SH3TC1: variants seen among roughly 807,000 people sequenced by gnomAD.
SH3TC1 encodes SH3 domain and tetratricopeptide repeats 1, also known as SH3 domain and tetratricopeptide repeat-containing protein 1.
SH3TC1 carries 135 observed loss-of-function variants against 117.3 expected under a neutral mutation model. The observed-to-expected ratio is 1.15, with a 90% CI of 1.00 to 1.33. SH3TC1 has a LOEUF of 1.33. Ranked by LOEUF, SH3TC1 falls within the 40% of genes most tolerant of loss-of-function variation. The probability of loss-of-function intolerance (pLI) is 0.00; values close to 1 mark genes in which losing one functional copy is unlikely to be tolerated. For synonymous variants in SH3TC1, 898 were observed against 816.9 expected, an observed-to-expected ratio of 1.10 and a Z score of -1.69; for missense variants, 2,092 against 1,794.3, an observed-to-expected ratio of 1.17 and a Z score of -3.00.
At chr4:8,218,385 G>T (rs905108896) in intron 8 of SH3TC1, 38 bp downstream of exon 8, 1 of 1,515,078 alleles carries the variant, frequency 6.6e-7, no homozygotes, top group Non-Finnish European at 9.1e-7. Context: ...TTGGGGAAAT[G>T]TGTGTGCTAG....
At position 8,225,099 on chromosome 4, in the gene SH3TC1, G is replaced by T. The variant is rs986559027; in HGVS notation, c.1244-76G>T. ...AGCAATGCTCTCACCCTGCAACATC[G>T]ACACTAGCTCAACCTGGCAGGGGAC... On this transcript the variant is annotated intron_variant, in intron 10 of 17. Transcript: ENST00000245105. The surrounding 1 kb of genome is among the most constrained non-coding windows in gnomAD (Gnocchi z 5.5). 6.4e-7 allele frequency: 1 copy of T among 1,566,030 alleles called. No homozygotes were observed. Among genetic ancestry groups the T allele is most frequent in the Non-Finnish European group, 8.7e-7 (1 of 1,142,940 alleles).
rs934004844 is a variant in SH3TC1, at chr4:8,206,037, TC to T, written c.172+674del. 65 of 265,330 alleles carry T rather than the reference TC, an allele frequency of 2.4e-4. No individual in the cohort carries two copies. Among genetic ancestry groups the T allele is most frequent in the Admixed American group, 2.9e-4 (6 of 20,776 alleles). 16.4% of individuals were successfully genotyped at this position (265,330 alleles called of 1,614,324 possible). A position where few individuals can be genotyped will look rare whatever the true frequency, so the allele number is the denominator to read the frequency against. ...CCCAGTCTCCTCTTAGCTGCCTATG[TC>T]CCTGTCTTGGGACTCCAGGGCTTGG... On this transcript the variant is annotated intron_variant, in intron 2 of 17. Coordinates refer to ENST00000245105, the MANE Select transcript of SH3TC1 (RefSeq NM_018986.5). This position sits in a 1 kb window ranked among gnomAD's most constrained non-coding sequence, Gnocchi z 5.5.
chr4:8,217,118 G>A lies in SH3TC1; in HGVS notation c.790G>A (p.Glu264Lys), dbSNP rs776764494. 1.1e-5 allele frequency: 17 copies of A among 1,613,614 alleles called. No homozygotes were observed. Among genetic ancestry groups the A allele is most frequent in the African/African-American group, 1.3e-5 (1 of 74,952 alleles). ...ACCGCCGAGCCCCAGCGTGTCCTCC[G>A]AGGAGGTGGCAGTGGCGGCCGCCCC... ...SSPPSPSVSSEEVAVAAAPEP... is the reference protein window; with the variant it reads ...SSPPSPSVSSKEVAVAAAPEP... Residue 264 changes from glutamate to lysine, a missense_variant, in exon 7 of 18, where the codon GAG becomes AAG. By Grantham distance (56) the Glu-to-Lys change is moderately conservative. Coordinates refer to ENST00000245105, the MANE Select transcript of SH3TC1 (RefSeq NM_018986.5).
Position 8,208,372 on chromosome 4 carries a change from T to TC in SH3TC1, c.173-1376_173-1375insC, listed in dbSNP as rs202132165. ...TTTCCATTTGAAACATTTCTTTCTT[T>TC]TTTTTTATTTTTTGAGATGGAGTCT... On this transcript the variant is annotated intron_variant, in intron 2 of 17. Transcript: ENST00000245105. 4.9e-3 allele frequency among the ~76,000 whole-genome samples: 734 copies of TC among 150,316 alleles called. 7 individuals carry two copies. Among genetic ancestry groups the TC allele is most frequent in the African/African-American group, 0.017 (686 of 41,080 alleles).
intron 4 of SH3TC1, 58 bp from the exon 5 acceptor site, chr4:8,214,417 C>T: frequency 6.6e-7 from 1 of 1,506,902 alleles, no homozygotes; most frequent in Non-Finnish European, 9.2e-7. Context: ...CGCTGTCCTC[C>T]TGACAGATGC....
At chr4:8,187,881 T>C (rs1455322750) in intron 1 of SH3TC1, among the ~76,000 whole-genome samples, 1 of 152,162 alleles carries the variant, frequency 6.6e-6, no homozygotes, top group Non-Finnish European at 1.5e-5. Flanking sequence ...GGATTGACAT[T>C]ACCACTGCTT....
In SH3TC1 at chr4:8,209,955, A is replaced by G; in HGVS notation, c.247+133A>G. The stretch of plus-strand genomic sequence containing the variant: ...TTCCCACCTTAAAATCATGATGGGA[A>G]TAGAAAGAAGGGTTTGTTAAATGCG... On this transcript the variant is annotated intron_variant, in intron 3 of 17. Coordinates refer to ENST00000245105, the MANE Select transcript of SH3TC1 (RefSeq NM_018986.5). This position sits in a 1 kb window ranked among gnomAD's most constrained non-coding sequence, Gnocchi z 5.9. 1 of 938,594 alleles carries G rather than the reference A, an allele frequency of 1.1e-6. No homozygotes were observed. The highest frequency in any genetic ancestry group is 1.6e-6 in the Non-Finnish European group (1 of 629,874). 58.1% of individuals were successfully genotyped at this position (938,594 alleles called of 1,614,324 possible). A position where few individuals can be genotyped will look rare whatever the true frequency, so the allele number is the denominator to read the frequency against.
rs767216664 is a variant in SH3TC1 at position 8,240,913 on chromosome 4, C to T, written c.3969C>T (p.Leu1323=). 1.2e-6 allele frequency: 2 copies of T among 1,612,740 alleles called. No homozygotes were observed. The highest frequency in any genetic ancestry group is 1.7e-6 in the Non-Finnish European group (2 of 1,180,014). The change falls in exon 18 of 18, where the codon CTC becomes CTT. Residue 1323 remains leucine, a synonymous_variant. Transcript: ENST00000245105. ...VRRVNLPPLP[L]CGWAPWLAPS... is the part of the protein sequence containing the mutation. ...GGGTCAACCTGCCTCCTCTGCCACT[C>T]TGCGGGTGGGCCCCCTGGTTGGCCC...
intron 6 of SH3TC1, among the ~76,000 whole-genome samples, chr4:8,216,683 C>T (rs1439541388): frequency 1.3e-5 from 2 of 151,660 alleles, no homozygotes; most frequent in East Asian, 1.9e-4. Flanking sequence ...GGGGGTCCCA[C>T]CTTTGGCTCC....
chr4:8,194,016 C>A (rs1010350256), intron 1 of SH3TC1, among the ~76,000 whole-genome samples: 1 of 152,190 alleles, frequency 6.6e-6, no homozygotes, highest in African/African-American at 2.4e-5. Context: ...ACCACCCGTG[C>A]GGGAGGTAGA....
chr4:8,214,403 T>G, intron 4 of SH3TC1, 72 bp from the exon 5 acceptor site: 2 of 1,390,468 alleles, frequency 1.4e-6, no homozygotes, highest in Non-Finnish European at 2.0e-6. Context: ...CTCTGTCATG[T>G]GGACGCTGTC....
At position 8,190,790 on chromosome 4, in the gene SH3TC1, ACCACCATGC is replaced by A. The variant is rs1175232656; in HGVS notation, c.-57+8584_-57+8592del. On this transcript the variant is annotated intron_variant, in intron 1 of 16. Transcript: ENST00000508641. This position sits in a 1 kb window ranked among gnomAD's most constrained non-coding sequence, Gnocchi z 4.7. ...CGAGCAGCTGGGACTACAGGCACGCACCACCATGCCCAGCTAATTTTTTTGTATTTTTTG... is the reference window on the plus strand; with the variant it reads ...CGAGCAGCTGGGACTACAGGCACGCACCAGCTAATTTTTTTGTATTTTTTG... Among the ~76,000 whole-genome samples, 5 of 152,068 alleles carry A rather than the reference ACCACCATGC, an allele frequency of 3.3e-5. No individual in the cohort carries two copies. The highest frequency in any genetic ancestry group is 7.4e-5 in the Non-Finnish European group (5 of 67,996).
intron 17 of SH3TC1, among the ~76,000 whole-genome samples, chr4:8,237,914 G>A (rs1368988516): frequency 6.6e-6 from 1 of 152,172 alleles, no homozygotes; most frequent in African/African-American, 2.4e-5. Context: ...GGCAATGGTG[G>A]CCTCTCGGTA....
chr4:8,240,801 T>A lies in SH3TC1; in HGVS notation c.3857T>A (p.Ile1286Asn). 1.2e-6 allele frequency: 2 copies of A among 1,614,120 alleles called. No homozygotes were observed. Among genetic ancestry groups the A allele is most frequent in the Non-Finnish European group, 1.7e-6 (2 of 1,180,038 alleles). Reference protein sequence around the residue: ...QLKIYTRLATIYHNFLLDREK... With the variant: ...QLKIYTRLATNYHNFLLDREK... Reference sequence around the variant, plus strand: ...AAGATCTACACGCGGCTGGCCACCATCTACCACAACTTCCTCCTGGACCGT... The same window carrying A: ...AAGATCTACACGCGGCTGGCCACCAACTACCACAACTTCCTCCTGGACCGT... The change falls in exon 18 of 18, where the codon ATC becomes AAC. Residue 1286 changes from isoleucine (I) to asparagine (N), a missense_variant. Physicochemically the swap from Ile to Asn is moderately radical, Grantham distance 149 (BLOSUM62 -3). Transcript: ENST00000245105.
chr4:8,216,093 T>G lies in SH3TC1; in HGVS notation c.482-18T>G. 6.2e-7 allele frequency: 1 copy of G among 1,611,714 alleles called. No homozygotes were observed. Among genetic ancestry groups the G allele is most frequent in the Non-Finnish European group, 8.5e-7 (1 of 1,179,542 alleles). On this transcript the variant is annotated intron_variant, in intron 5 of 17. Transcript: ENST00000245105. ...CCCTCTTCTGGAGCCCTCGGGTGAC[T>G]GGGCCTGGCCTCCACAGGCTTCACT...
At chr4:8,193,014 T>C (rs768092684) in intron 1 of SH3TC1, among the ~76,000 whole-genome samples, 1 of 152,222 alleles carries the variant, frequency 6.6e-6, no homozygotes, top group Non-Finnish European at 1.5e-5. Context: ...TCTGGCCCCC[T>C]GTCTTGTATA....
In SH3TC1 at chr4:8,227,841, T is replaced by C. The variant is rs749762703; in HGVS notation, c.2147T>C (p.Ile716Thr). ...LSDCYLLLAD[I>T]YSRKCLPHLV... ...GACTGCTACCTACTCCTGGCTGACA[T>C]CTACAGCCGCAAGTGCCTGCCCCAC... Residue 716 changes from isoleucine to threonine, a missense_variant, in exon 12 of 18, where the codon ATC (isoleucine) becomes ACC (threonine). Ile to Thr is a moderately conservative substitution (Grantham distance 89). Transcript: ENST00000245105. The C allele has an allele frequency of 7.4e-6, 12 of 1,612,606 alleles. No individual in the cohort carries two copies. The highest frequency in any genetic ancestry group is 8.5e-7 in the Non-Finnish European group (1 of 1,179,962).
chr4:8,202,637 C>T (rs1462341807), intron 1 of SH3TC1, among the ~76,000 whole-genome samples: 4 of 147,440 alleles, frequency 2.7e-5, no homozygotes, highest in Admixed American at 6.7e-5. Context: ...GGTGGGGTGC[C>T]GGGGCACTTC....
chr4:8,228,738 C>G, intron 12 of SH3TC1, 94 bp downstream of exon 12: 1 of 1,111,354 alleles, frequency 9.0e-7, no homozygotes, highest in Non-Finnish European at 1.2e-6. Flanking sequence ...GTGGTTTTTC[C>G]ACCATCGAAA....
Sources: allele counts gnomAD v4.1 joint callset (sites outside exome capture counted in the v4.1 genomes callset), GRCh38; gene constraint gnomAD v4.1.1; non-coding constraint Gnocchi (gnomAD v3.1); transcripts MANE v1.5; gene names NCBI Gene and HGNC (gene_info 2026-07-23, HGNC 2026-07-21).